The following ASIC2 variants were observed in gnomAD, a reference collection of about 807,000 sequenced individuals.
The protein encoded by ASIC2 is acid-sensing ion channel 2.
ASIC2 carries 25 observed loss-of-function variants against 57.3 expected under a neutral mutation model. The observed-to-expected ratio is 0.44, with a 90% confidence interval of 0.32 to 0.61. The LOEUF (loss-of-function observed/expected upper bound fraction) is 0.61. Among genes scored for constraint, ASIC2 ranks in the 20% least tolerant of loss-of-function variants. The pLI is 0.06. For synonymous variants in ASIC2, 319 were observed against 307.5 expected, an observed-to-expected ratio of 1.04 and a Z score of -0.39; for missense variants, 641 against 738.1, an observed-to-expected ratio of 0.87 and a Z score of 1.52.
intron 1 of ASIC2, among the ~76,000 whole-genome samples, chr17:34,053,032 G>A (rs1908628682): frequency 6.6e-6 from 1 of 152,036 alleles, no homozygotes; most frequent in African/African-American, 2.4e-5. Context: ...TAGGCTTGGA[G>A]GGATAAAATC....
At position 33,843,395 on chromosome 17, in the gene ASIC2, C is replaced by G. The variant is rs1268431933; in HGVS notation, c.555+312583G>C. ...CTTGAATAAAATTTCTCATGGGACC[C>G]CAATATTCAAAATCAATTAATGTGG... On this transcript the variant is annotated intron_variant, in intron 1 of 9. Transcript: ENST00000359872. Among the ~76,000 whole-genome samples, 5 of 152,074 alleles carry G rather than the reference C, an allele frequency of 3.3e-5. No individual in the cohort carries two copies. In the East Asian group the frequency reaches 9.6e-4, roughly 29 times the overall value.
At chr17:33,245,759 G>C (rs1908667206) in intron 1 of ASIC2, among the ~76,000 whole-genome samples, 1 of 152,182 alleles carries the variant, frequency 6.6e-6, no homozygotes, top group Non-Finnish European at 1.5e-5. Flanking sequence ...ACTGGGAGGA[G>C]GTCAAGTGCC....
At chr17:33,220,976 G>A (rs893333641) in intron 1 of ASIC2, among the ~76,000 whole-genome samples, 16 of 152,180 alleles carry the variant, frequency 1.1e-4, no homozygotes, top group Non-Finnish European at 1.8e-4. Context: ...GGAGGCTGAG[G>A]TAGGAGGATC....
intron 1 of ASIC2, among the ~76,000 whole-genome samples, chr17:33,255,104 A>G (rs1909018609): frequency 7.3e-6 from 1 of 136,282 alleles, no homozygotes; most frequent in Non-Finnish European, 1.5e-5. Context: ...CAGTGGCACG[A>G]TCTCGGCTCA....
rs879402859 is a variant in ASIC2 at position 33,643,157 on chromosome 17, C to CCCG, written c.555+512820_555+512821insCGG. 1.1e-3 allele frequency among the ~76,000 whole-genome samples: 168 copies of CCCG among 146,318 alleles called. No homozygotes were observed. In the Middle Eastern group the frequency reaches 0.026, roughly 23 times the overall value. ...TCTCACATGCTCATTTCCCCCCCCC[C>CCCG]ACATTTGAACATCTCTGAAATTTGG... is the stretch of plus-strand genomic sequence containing the variant. On this transcript the variant is annotated intron_variant, in intron 1 of 9. Coordinates refer to the ASIC2 transcript ENST00000359872.
rs115804714 is a variant in ASIC2 at position 34,057,700 on chromosome 17, C to T, written c.555+98278G>A. Among the ~76,000 whole-genome samples, 593 of 152,106 alleles carry T rather than the reference C, an allele frequency of 3.9e-3. 3 individuals are homozygous for T. The highest frequency in any genetic ancestry group is 0.013 in the African/African-American group (546 of 41,472). On this transcript the variant is annotated intron_variant, in intron 1 of 9. Transcript: ENST00000359872. The stretch of plus-strand genomic sequence containing the variant: ...GCAAGAGGGTCAAGGATTAGGACTG[C>T]GGGTTAGGATTAGTGCTAGTGCTTG...
intron 1 of ASIC2, among the ~76,000 whole-genome samples, chr17:34,094,502 G>A (rs906316666): frequency 2.6e-5 from 4 of 152,172 alleles, no homozygotes; most frequent in African/African-American, 9.7e-5. Context: ...CATCCATGAT[G>A]GACAGATGAG....
chr17:33,290,664 A>C (rs1003290007), intron 1 of ASIC2: 2 of 152,190 alleles, frequency 1.3e-5, no homozygotes, highest in African/African-American at 4.8e-5. Context: ...AGACCAGAAG[A>C]CCCACACTTA....
At chr17:34,110,118 T>TC (rs1189681004) in intron 1 of ASIC2, among the ~76,000 whole-genome samples, 3 of 152,070 alleles carry the variant, frequency 2.0e-5, no homozygotes, top group Non-Finnish European at 4.4e-5. Context: ...CCAATCTTTT[T>TC]CCCAAGTAAA....
chr17:33,475,339 G>A (rs371558539), intron 1 of ASIC2, among the ~76,000 whole-genome samples: 12 of 151,770 alleles, frequency 7.9e-5, no homozygotes, highest in South Asian at 6.2e-4. Flanking sequence ...CAATGGAATC[G>A]TATGTTGTAC....
chr17:33,680,803 C>T (rs1242404590), intron 1 of ASIC2: 3 of 152,240 alleles, frequency 2.0e-5, no homozygotes, highest in Non-Finnish European at 4.4e-5. Flanking sequence ...CCACTTCCAT[C>T]TGTGGTACTT....
chr17:33,059,049 G>C (rs893291645), intron 3 of ASIC2, among the ~76,000 whole-genome samples: 2 of 151,972 alleles, frequency 1.3e-5, no homozygotes, highest in Non-Finnish European at 2.9e-5. Flanking sequence ...ATACTGTATG[G>C]TTATGGCTCT....
intron 1 of ASIC2, among the ~76,000 whole-genome samples, chr17:33,745,402 T>A (rs1910228307): frequency 8.1e-6 from 1 of 123,574 alleles, no homozygotes; most frequent in Non-Finnish European, 1.9e-5. Flanking sequence ...AACCCCAAAT[T>A]TACTGAAAAA....
chr17:33,643,284 A>T (rs1477324969), intron 1 of ASIC2, among the ~76,000 whole-genome samples: 1 of 152,134 alleles, frequency 6.6e-6, no homozygotes, highest in Non-Finnish European at 1.5e-5. Flanking sequence ...GATGACTGTG[A>T]TTCAGTGAAA....
intron 1 of ASIC2, among the ~76,000 whole-genome samples, chr17:33,657,846 A>T (rs1257706437): frequency 6.6e-6 from 1 of 152,128 alleles, no homozygotes; most frequent in African/African-American, 2.4e-5. Context: ...CTTAGTTGGA[A>T]TCCAACAGCG....
chr17:33,619,869 T>C (rs1408724590), intron 1 of ASIC2, among the ~76,000 whole-genome samples: 1 of 152,196 alleles, frequency 6.6e-6, no homozygotes, highest in Non-Finnish European at 1.5e-5. Flanking sequence ...TTTAATCTGT[T>C]CTTTCAAGGT....
At chr17:33,243,894 T>C (rs550149676) in intron 1 of ASIC2, among the ~76,000 whole-genome samples, 1 of 152,328 alleles carries the variant, frequency 6.6e-6, no homozygotes, top group South Asian at 2.1e-4. Context: ...GAAAAGCAAG[T>C]GCTAGTTTGG....
At chr17:33,789,896 G>A (rs568231600) in intron 1 of ASIC2, among the ~76,000 whole-genome samples, 1 of 152,328 alleles carries the variant, frequency 6.6e-6, no homozygotes, top group African/African-American at 2.4e-5. Context: ...GTCAAGTCCA[G>A]GGCCCAGGTC....
At chr17:33,281,586 C>T (rs1158273954) in intron 1 of ASIC2, among the ~76,000 whole-genome samples, 4 of 152,178 alleles carry the variant, frequency 2.6e-5, no homozygotes, top group Admixed American at 6.5e-5. Context: ...GTCTGTGTTT[C>T]GCAAATGAGG....
Sources: gnomAD v4.1 joint callset for allele counts (sites outside exome capture counted in the v4.1 genomes callset) on GRCh38, gnomAD v4.1.1 for gene constraint, MANE v1.5 for transcripts, NCBI Gene and HGNC (gene_info 2026-07-23, HGNC 2026-07-21) for gene names.